IDUA: variants seen among roughly 807,000 people sequenced by gnomAD.
IDUA encodes alpha-L-iduronidase.
In IDUA, 65 loss-of-function variants were observed where a neutral mutation model predicts 68.9. That is an observed-to-expected ratio of 0.94 (90% confidence interval 0.77 to 1.16). IDUA has a LOEUF of 1.16. IDUA is among the 50% of genes most tolerant of loss of function. The pLI is 0.00. For missense variants in IDUA, 1,046 were observed against 938.0 expected (o/e 1.12, Z -1.50); for synonymous variants, 529 against 433.6 (o/e 1.22, Z -2.73).
Position 1,003,414 on chromosome 4 carries a change from C to G in IDUA, c.1594C>G (p.Leu532Val), listed in dbSNP as rs1310696629. 1.3e-6 allele frequency: 2 copies of G among 1,527,780 alleles called. No individual in the cohort carries two copies. Among genetic ancestry groups the G allele is most frequent in the South Asian group, 1.2e-5 (1 of 83,426 alleles). The allele number at this position is 1,527,780 out of a possible 1,614,324, so 94.6% of individuals were successfully genotyped here. Residue 532 changes from leucine to valine, a missense_variant, in exon 11 of 14, where the codon CTG becomes GTG. Physicochemically the swap from Leu to Val is conservative, Grantham distance 32. Coordinates refer to ENST00000514224, the MANE Select transcript of IDUA (RefSeq NM_000203.5). Reference protein sequence around the residue: ...GRLTLRPALRLPSLLLVHVCA... With the variant: ...GRLTLRPALRVPSLLLVHVCA... ...CCTGACCCTGCGCCCCGCGCTGCGG[C>G]TGCCGTCGCTTTTGCTGGTGCACGT... is the stretch of plus-strand genomic sequence containing the variant.
intron 2 of IDUA, chr4:988,484 T>C: frequency 8.9e-7 from 1 of 1,122,824 alleles, no homozygotes; most frequent in Non-Finnish European, 1.1e-6. Context: ...CTTGGCACCT[T>C]GGAGGCTGCA....
intron 2 of IDUA, among the ~76,000 whole-genome samples, chr4:993,808 G>A (rs1416244809): frequency 1.3e-5 from 2 of 152,244 alleles, no homozygotes; most frequent in African/African-American, 4.8e-5. Flanking sequence ...AGCCAGCCTG[G>A]TCCAAGCTGG....
intron 3 of IDUA, 41 bp downstream of exon 3, chr4:1,000,738 C>T (rs1715021903): frequency 6.5e-7 from 1 of 1,527,336 alleles, no homozygotes; most frequent in Non-Finnish European, 9.1e-7. Context: ...CCTGCACCCC[C>T]TTGCCCTGCC....
Position 1,000,865 on chromosome 4 carries a change from GC to G in IDUA, c.386-14del, listed in dbSNP as rs771052294. On this transcript the variant is annotated splice_polypyrimidine_tract_variant and intron_variant, in intron 3 of 13. Transcript: ENST00000514224. ...GTGGTGTGTGGTGGGCGGTGGGGCA[GC>G]CCTCCTGTGTTCCAGGGTTTGAGCT... 2 of 1,603,594 alleles carry G rather than the reference GC, an allele frequency of 1.2e-6. No homozygotes were observed. The highest frequency in any genetic ancestry group is 1.7e-6 in the Non-Finnish European group (2 of 1,171,202).
In IDUA at chr4:1,002,913, C is replaced by G. The variant is rs1468338796; in HGVS notation, c.1371C>G (p.Thr457=). The change falls in exon 9 of 14, where the codon ACC becomes ACG. Residue 457 remains threonine, a synonymous_variant. Transcript: ENST00000514224. The part of the protein sequence containing the change: ...RAHPNRSVAV[T]LRLRGVPPGP... ...ACCCCAACCGCAGCGTCGCGGTGAC[C>G]CTGCGGCTGCGCGGGGTGCCCCCCG... is the stretch of plus-strand genomic sequence containing the variant. The G allele has an allele frequency of 7.3e-7, 1 of 1,377,288 alleles. No homozygotes were observed. The highest frequency in any genetic ancestry group is 3.1e-5 in the East Asian group (1 of 32,502). 85.3% of individuals were successfully genotyped at this position (1,377,288 alleles called of 1,614,324 possible). A position where few individuals can be genotyped will look rare whatever the true frequency, so the allele number is the denominator to read the frequency against.
At chr4:1,000,840 G>A in intron 3 of IDUA, 42 bp from the exon 4 acceptor site, 2 of 1,543,798 alleles carry the variant, frequency 1.3e-6, no homozygotes, top group Admixed American at 1.7e-5. Flanking sequence ...GAGCATGGGT[G>A]TGGTGTGTGG....
Position 989,508 on chromosome 4 carries a change from G to A in IDUA, c.299+1559G>A, listed in dbSNP as rs569972070. The A allele has an allele frequency of 3.3e-5, 52 of 1,553,762 alleles. No homozygotes were observed. In the South Asian group the frequency reaches 3.8e-4, roughly 11 times the overall value. On this transcript the variant is annotated intron_variant, in intron 2 of 13. Transcript: ENST00000514224. Reference sequence around the variant, plus strand: ...TGCTGACCAGCATACAGGTGGCCGCGGTGCCTGCCCAGACCAGCGCGTCAG... The same window carrying A: ...TGCTGACCAGCATACAGGTGGCCGCAGTGCCTGCCCAGACCAGCGCGTCAG...
chr4:987,046 T>A lies in IDUA; in HGVS notation c.-39T>A. ...TCCGACCCGGAGGCGGAACCGGCAG[T>A]GCAGCCCGAAGCCCCGCAGTCCCCG... On this transcript the variant is annotated 5_prime_UTR_variant, in exon 1 of 14. Coordinates refer to ENST00000514224, the MANE Select transcript of IDUA (RefSeq NM_000203.5). 1.3e-6 allele frequency: 2 copies of A among 1,512,960 alleles called. No individual in the cohort carries two copies. Among genetic ancestry groups the A allele is most frequent in the Non-Finnish European group, 1.8e-6 (2 of 1,137,130 alleles). The allele number at this position is 1,512,960 out of a possible 1,614,324, so 93.7% of individuals were successfully genotyped here.
chr4:998,173 G>T (rs1714857221), intron 2 of IDUA, among the ~76,000 whole-genome samples: 1 of 152,212 alleles, frequency 6.6e-6, no homozygotes, highest in Non-Finnish European at 1.5e-5. Flanking sequence ...GACTCCTGCT[G>T]CTCCTGCTGG....
chr4:992,300 C>A, intron 2 of IDUA: 1 of 431,238 alleles, frequency 2.3e-6, no homozygotes, highest in South Asian at 1.6e-5. Flanking sequence ...CAAACCATCG[C>A]CTGCTCTCCT....
chr4:1,004,514 CT>C lies in IDUA; in HGVS notation c.*125del. Reference sequence around the variant, plus strand: ...ATATATTTTTATATTTTATTATTTTCTTTTATATCTTGGTACCAACGCCCCC... The same window carrying C: ...ATATATTTTTATATTTTATTATTTTCTTTATATCTTGGTACCAACGCCCCC... On this transcript the variant is annotated 3_prime_UTR_variant, in exon 14 of 14. Coordinates refer to ENST00000514224, the MANE Select transcript of IDUA (RefSeq NM_000203.5). The surrounding 1 kb of genome is among the most constrained non-coding windows in gnomAD (Gnocchi z 5.0). The C allele has an allele frequency of 9.6e-7, 1 of 1,044,280 alleles. No individual in the cohort carries two copies. The highest frequency in any genetic ancestry group is 1.4e-6 in the Non-Finnish European group (1 of 733,118). The allele number at this position is 1,044,280 out of a possible 1,614,324, so 64.7% of individuals were successfully genotyped here. A position where few individuals can be genotyped will look rare whatever the true frequency, so the allele number is the denominator to read the frequency against.
chr4:995,217 G>A (rs1002051501), intron 2 of IDUA, among the ~76,000 whole-genome samples: 2 of 151,958 alleles, frequency 1.3e-5, no homozygotes, highest in Non-Finnish European at 2.9e-5. Context: ...GCTAATTTTT[G>A]TATTTTTAGT....
chr4:1,003,551 C>G lies in IDUA; in HGVS notation c.1653C>G (p.Val551=), dbSNP rs367551201. 3.1e-6 allele frequency: 5 copies of G among 1,611,692 alleles called. No individual in the cohort carries two copies. In the African/African-American group the frequency reaches 6.7e-5, roughly 22 times the overall value. ...CARPEKPPGQ[V]TRLRALPLTQ... is the part of the protein sequence containing the mutation. ...ATCACAGCCCTTCCCTCCCCCAGGT[C>G]ACGCGGCTCCGCGCCCTGCCCCTGA... The change falls in exon 12 of 14, where the codon GTC becomes GTG. Residue 551 remains valine, a splice_region_variant and synonymous_variant. Transcript: ENST00000514224.
In IDUA at chr4:1,004,124, A is replaced by C; in HGVS notation, c.1828+12A>C. ...TGTGTTCAGCCCAGGTGCGCCCACC[A>C]CCCGCTGCCCTGGACTCGGCCACCC... On this transcript the variant is annotated intron_variant, in intron 13 of 13. Transcript: ENST00000514224. This position sits in a 1 kb window ranked among gnomAD's most constrained non-coding sequence, Gnocchi z 5.0. The C allele has an allele frequency of 6.2e-7, 1 of 1,612,212 alleles. No homozygotes were observed. The highest frequency in any genetic ancestry group is 8.5e-7 in the Non-Finnish European group (1 of 1,179,438).
At chr4:995,951 G>A (rs753292288) in intron 2 of IDUA, among the ~76,000 whole-genome samples, 20 of 152,110 alleles carry the variant, frequency 1.3e-4, no homozygotes, top group Non-Finnish European at 2.6e-4. Flanking sequence ...ACCCCAGAGT[G>A]TGAGATGCGG....
chr4:989,266 A>G, intron 2 of IDUA: 1 of 1,612,648 alleles, frequency 6.2e-7, no homozygotes, highest in Non-Finnish European at 8.5e-7. Context: ...GAGGCTGTAG[A>G]GTGACTGCAG....
At chr4:987,026 C>G, upstream of IDUA, 3 of 1,495,878 alleles carry the variant, frequency 2.0e-6, no homozygotes, top group Non-Finnish European at 2.7e-6. Flanking sequence ...CAGACTCCGA[C>G]CCGGAGGCGG....
chr4:989,776 G>A, intron 2 of IDUA: 1 of 1,565,942 alleles, frequency 6.4e-7, no homozygotes, highest in Non-Finnish European at 8.6e-7. Flanking sequence ...GTGGAGGAAG[G>A]CGGGTAGCAC....
At chr4:993,632 G>C (rs534122983) in intron 2 of IDUA, among the ~76,000 whole-genome samples, 3 of 119,462 alleles carry the variant, frequency 2.5e-5, no homozygotes, top group Admixed American at 8.2e-5. Flanking sequence ...CGGCCCTGCC[G>C]GGGGGGCTTA....
Sources: allele counts gnomAD v4.1 joint callset (sites outside exome capture counted in the v4.1 genomes callset), GRCh38; gene constraint gnomAD v4.1.1; non-coding constraint Gnocchi (gnomAD v3.1); transcripts MANE v1.5; gene names NCBI Gene and HGNC (gene_info 2026-07-23, HGNC 2026-07-21).